RELN: variants seen among roughly 807,000 people sequenced by gnomAD.
The protein encoded by RELN is reelin.
RELN carries 108 observed loss-of-function variants against 427.6 expected under a neutral mutation model. The ratio of observed to expected loss-of-function variants is 0.25; its 90% CI spans 0.22 to 0.30. RELN has a LOEUF of 0.30. Among genes scored for constraint, RELN ranks in the 10% least tolerant of loss-of-function variants. RELN has a pLI of 1.00. For missense variants in RELN, 3,715 were observed against 4,302.8 expected (o/e 0.86, Z 3.82); for synonymous variants, 1,524 against 1,513.4 (o/e 1.01, Z -0.16).
At chr7:103,748,983 C>T (rs544072758) in intron 6 of RELN, among the ~76,000 whole-genome samples, 4 of 152,144 alleles carry the variant, frequency 2.6e-5, no homozygotes, top group African/African-American at 9.6e-5. Context: ...CTCAAAAATC[C>T]CACAGAGTTA....
intron 4 of RELN, among the ~76,000 whole-genome samples, chr7:103,767,362 G>A (rs1276049382): frequency 1.3e-5 from 2 of 152,100 alleles, no homozygotes; most frequent in Non-Finnish European, 2.9e-5. Context: ...AACCAGCATT[G>A]GGCTGTGAGT....
At chr7:103,819,975 T>A (rs934984394) in intron 3 of RELN, among the ~76,000 whole-genome samples, 2 of 151,964 alleles carry the variant, frequency 1.3e-5, no homozygotes, top group African/African-American at 4.8e-5. Context: ...CCCTTGCTCC[T>A]ATTTATAAGT....
chr7:103,716,381 C>G (rs555773704), intron 8 of RELN, among the ~76,000 whole-genome samples: 11 of 152,294 alleles, frequency 7.2e-5, no homozygotes, highest in African/African-American at 2.6e-4. Flanking sequence ...ATTGGGGCAG[C>G]GTCTTAGGCT....
rs952290489 is a variant in RELN at position 103,584,121 on chromosome 7, C to T, written c.4145+5475G>A. Among the ~76,000 whole-genome samples, 4 of 152,248 alleles carry T rather than the reference C, an allele frequency of 2.6e-5. No individual in the cohort carries two copies. In the South Asian group the frequency reaches 6.2e-4, roughly 24 times the overall value. On this transcript the variant is annotated intron_variant, in intron 28 of 64. Coordinates refer to ENST00000428762, the MANE Select transcript of RELN (RefSeq NM_005045.4). ...GAGCAGCACTGGCTGCCCAAAGGTA[C>T]TGCAAGGTCCCCCAGTTCTCTAGCC...
intron 53 of RELN, among the ~76,000 whole-genome samples, chr7:103,500,152 T>C (rs1828978490): frequency 6.6e-6 from 1 of 152,190 alleles, no homozygotes; most frequent in Non-Finnish European, 1.5e-5. Context: ...TTCACAGAAA[T>C]AGAGTGCATA....
At chr7:103,698,176 T>C in intron 9 of RELN, 83 bp from the exon 10 acceptor site, 1 of 1,494,742 alleles carries the variant, frequency 6.7e-7, no homozygotes, top group Admixed American at 1.7e-5. Context: ...AAGGTTGTAG[T>C]TTCATGATCT....
chr7:103,638,922 T>C (rs1832640317), intron 17 of RELN, among the ~76,000 whole-genome samples: 1 of 152,252 alleles, frequency 6.6e-6, no homozygotes, highest in Non-Finnish European at 1.5e-5. Context: ...GTATAACTAC[T>C]GTAATTATGG....
intron 6 of RELN, among the ~76,000 whole-genome samples, chr7:103,741,946 C>G (rs112528626): frequency 0.014 from 2,116 of 152,252 alleles, 58 homozygotes; most frequent in African/African-American, 0.049. Flanking sequence ...AGCTTGAGAT[C>G]TGAGAACGGG....
intron 31 of RELN, among the ~76,000 whole-genome samples, chr7:103,571,770 C>T (rs1290654802): frequency 6.6e-6 from 1 of 152,192 alleles, no homozygotes; most frequent in African/African-American, 2.4e-5. Flanking sequence ...GGATTCTGGT[C>T]TGCCCGGAAT....
chr7:103,630,300 AT>A (rs907672715), intron 19 of RELN, 124 bp from the exon 20 acceptor site: 357 of 696,652 alleles, frequency 5.1e-4, no homozygotes, highest in Middle Eastern at 1.2e-3. Context: ...GATTATAAAC[AT>A]TTTTTTTTGA....
At chr7:103,704,543 C>G (rs560172458) in intron 8 of RELN, among the ~76,000 whole-genome samples, 1 of 152,176 alleles carries the variant, frequency 6.6e-6, no homozygotes, top group African/African-American at 2.4e-5. Context: ...CTCATGTGGT[C>G]TATCTAGATC....
intron 10 of RELN, among the ~76,000 whole-genome samples, chr7:103,688,446 T>C (rs953823802): frequency 2.0e-5 from 3 of 152,048 alleles, no homozygotes; most frequent in Non-Finnish European, 4.4e-5. Context: ...CAATTGAACA[T>C]TGCATGGAAG....
At chr7:103,772,567 C>A (rs2116185952) in intron 4 of RELN, among the ~76,000 whole-genome samples, 1 of 152,224 alleles carries the variant, frequency 6.6e-6, no homozygotes, top group Non-Finnish European at 1.5e-5. Context: ...TTGTCTAGAC[C>A]AGCCTGAGGG....
intron 3 of RELN, among the ~76,000 whole-genome samples, chr7:103,779,347 C>G (rs1791828148): frequency 6.6e-6 from 1 of 152,044 alleles, no homozygotes; most frequent in African/African-American, 2.4e-5. Context: ...TCTGAAGTCC[C>G]CTGCTTGGGA....
chr7:103,680,895 G>T (rs149014590), intron 11 of RELN, among the ~76,000 whole-genome samples: 4,641 of 152,176 alleles, frequency 0.03, 79 homozygotes, highest in Middle Eastern at 0.071. Context: ...GCCCTGAGGG[G>T]GTGGAGTCAT....
chr7:103,791,708 GA>G (rs569007889), intron 3 of RELN, among the ~76,000 whole-genome samples: 1 of 151,362 alleles, frequency 6.6e-6, no homozygotes, highest in South Asian at 2.1e-4. Context: ...AAAGGTGAAA[GA>G]AAAAAATAGA....
chr7:103,783,248 C>A (rs981693322), intron 3 of RELN, among the ~76,000 whole-genome samples: 2 of 150,332 alleles, frequency 1.3e-5, no homozygotes, highest in Non-Finnish European at 3.0e-5. Context: ...TCCCACCTTG[C>A]CCTCTCAAAG....
intron 11 of RELN, among the ~76,000 whole-genome samples, chr7:103,663,073 C>A (rs2115568891): frequency 6.6e-6 from 1 of 152,280 alleles, no homozygotes. Context: ...GTCTATCAAA[C>A]AAACTCAGGG....
At chr7:103,836,052 G>A (rs186432112) in intron 2 of RELN, among the ~76,000 whole-genome samples, 30 of 149,760 alleles carry the variant, frequency 2.0e-4, no homozygotes, top group East Asian at 8.1e-4. Flanking sequence ...AATCTCCACC[G>A]CTTGGGTTCA....
Sources: gnomAD v4.1 joint callset for allele counts (sites outside exome capture counted in the v4.1 genomes callset) on GRCh38, gnomAD v4.1.1 for gene constraint, MANE v1.5 for transcripts, NCBI Gene and HGNC (gene_info 2026-07-23, HGNC 2026-07-21) for gene names.